OSBPL8: variants seen among roughly 807,000 people sequenced by gnomAD.
OSBPL8 encodes the protein oxysterol binding protein like 8.
OSBPL8 carries 59 observed loss-of-function variants against 125.5 expected under a neutral mutation model. The ratio of observed to expected loss-of-function variants is 0.47; its 90% CI spans 0.38 to 0.58. The LOEUF (loss-of-function observed/expected upper bound fraction) is 0.58, where lower values mean the gene tolerates loss of function less well. OSBPL8 is among the 20% of genes least tolerant of loss of function. The probability of loss-of-function intolerance (pLI) is 0.00; values close to 1 mark genes in which losing one functional copy is unlikely to be tolerated. For synonymous variants in OSBPL8, 330 were observed against 338.9 expected, an observed-to-expected ratio of 0.97 and a Z score of 0.29; for missense variants, 758 against 1,047.8, an observed-to-expected ratio of 0.72 and a Z score of 3.82.
intron 13 of OSBPL8, 136 bp from the exon 14 acceptor site, chr12:76,386,402 T>A: frequency 7.5e-7 from 1 of 1,334,350 alleles, no homozygotes; most frequent in Non-Finnish European, 9.9e-7. Flanking sequence ...AAATTTACAT[T>A]AAATAAAATT....
chr12:76,520,727 G>A (rs1881993384), intron 1 of OSBPL8, among the ~76,000 whole-genome samples: 1 of 152,070 alleles, frequency 6.6e-6, no homozygotes. Flanking sequence ...TGAGATGATG[G>A]GGAAAGAAAG....
chr12:76,555,584 A>AG (rs1413824071), intron 1 of OSBPL8, among the ~76,000 whole-genome samples: 1 of 152,214 alleles, frequency 6.6e-6, no homozygotes, highest in Non-Finnish European at 1.5e-5. Flanking sequence ...TGACACATTG[A>AG]GGTAGGCACA....
intron 9 of OSBPL8, among the ~76,000 whole-genome samples, chr12:76,392,953 A>G (rs1953626330): frequency 1.3e-5 from 2 of 152,232 alleles, no homozygotes; most frequent in Non-Finnish European, 2.9e-5. Flanking sequence ...CTGATAAATG[A>G]ATAGTATACA....
At chr12:76,449,664 T>C (rs755972824) in intron 4 of OSBPL8, among the ~76,000 whole-genome samples, 4 of 152,340 alleles carry the variant, frequency 2.6e-5, no homozygotes, top group South Asian at 2.1e-4. Flanking sequence ...GATTTTAATA[T>C]TCTGTGCAAC....
At chr12:76,540,684 A>T (rs1367571249) in intron 1 of OSBPL8, among the ~76,000 whole-genome samples, 1 of 140,422 alleles carries the variant, frequency 7.1e-6, no homozygotes, top group Non-Finnish European at 1.5e-5. Flanking sequence ...TTTTTTCTTT[A>T]AAAAAAAAAA....
At chr12:76,475,294 C>G (rs771142472) in intron 2 of OSBPL8, among the ~76,000 whole-genome samples, 22 of 152,026 alleles carry the variant, frequency 1.4e-4, no homozygotes, top group Non-Finnish European at 2.6e-4. Flanking sequence ...TTTAAAAAAC[C>G]TTCATATGTT....
chr12:76,470,533 T>C (rs531709974), intron 2 of OSBPL8, among the ~76,000 whole-genome samples: 7 of 152,342 alleles, frequency 4.6e-5, no homozygotes, highest in Admixed American at 4.6e-4. Context: ...TGAAATTTCA[T>C]TTTGGCCAAT....
chr12:76,510,062 T>G (rs1880820537), intron 1 of OSBPL8, among the ~76,000 whole-genome samples: 1 of 152,224 alleles, frequency 6.6e-6, no homozygotes, highest in Admixed American at 6.5e-5. Context: ...GGTGTCTATT[T>G]CAAATTCATC....
chr12:76,382,158 C>T (rs1464107141), intron 15 of OSBPL8, among the ~76,000 whole-genome samples: 4 of 152,162 alleles, frequency 2.6e-5, no homozygotes, highest in South Asian at 2.1e-4. Flanking sequence ...AAGACTGATA[C>T]AATCATATTA....
intron 5 of OSBPL8, among the ~76,000 whole-genome samples, chr12:76,407,364 C>A (rs921999364): frequency 5.0e-4 from 76 of 152,312 alleles, no homozygotes; most frequent in African/African-American, 1.6e-3. Context: ...GCATCTCCTG[C>A]CTTAGCCCCC....
chr12:76,555,269 G>C (rs999600427), intron 1 of OSBPL8, among the ~76,000 whole-genome samples: 3 of 151,988 alleles, frequency 2.0e-5, no homozygotes, highest in African/African-American at 7.3e-5. Context: ...AAGCTTAAAG[G>C]CTCAGATTTT....
Position 76,450,906 on chromosome 12 carries a change from C to T in OSBPL8, c.162G>A (p.Thr54=), listed in dbSNP as rs146266094. The T allele has an allele frequency of 1.2e-5, 20 of 1,613,818 alleles. No individual in the cohort carries two copies. Among genetic ancestry groups the T allele is most frequent in the Admixed American group, 5.0e-5 (3 of 59,972 alleles). Reference sequence around the variant, plus strand: ...ATGGCTGATGCAAATCTTTGGTTGGCGTTGGATAAGCTTCTTTTCCTTGGC... The same window carrying T: ...ATGGCTGATGCAAATCTTTGGTTGGTGTTGGATAAGCTTCTTTTCCTTGGC... ...SQRQGKEAYP[T]PTKDLHQPSL... Residue 54 remains threonine, a synonymous_variant, in exon 4 of 24, where the codon ACG becomes ACA. Transcript: ENST00000261183.
chr12:76,402,560 C>A, intron 6 of OSBPL8, 129 bp downstream of exon 6: 1 of 682,226 alleles, frequency 1.5e-6, no homozygotes, highest in Non-Finnish European at 2.5e-6. Context: ...TGTGTGCCTG[C>A]CTGTCTGTAC....
intron 11 of OSBPL8, 170 bp from the exon 12 acceptor site, chr12:76,389,999 A>T (rs985772034): frequency 5.4e-5 from 26 of 482,200 alleles, no homozygotes; most frequent in Admixed American, 1.6e-4. Context: ...CTTAGGTAAA[A>T]AAGGGTAGCT....
At chr12:76,539,267 T>C (rs1950578740) in intron 1 of OSBPL8, among the ~76,000 whole-genome samples, 1 of 152,172 alleles carries the variant, frequency 6.6e-6, no homozygotes, top group Non-Finnish European at 1.5e-5. Flanking sequence ...TCTATGCGTA[T>C]TTATGTCTCT....
intron 5 of OSBPL8, among the ~76,000 whole-genome samples, chr12:76,407,715 C>T (rs1243506308): frequency 3.3e-5 from 5 of 152,050 alleles, no homozygotes; most frequent in African/African-American, 1.2e-4. Flanking sequence ...TTAAGAATCC[C>T]ATTCATTCAC....
At position 76,396,968 on chromosome 12, in the gene OSBPL8, C is replaced by T. The variant is rs143160949; in HGVS notation, c.672+726G>A. ...TAGCTGGGACTACAGGTACATGCCA[C>T]CATACTTGGCTAATTTTTGTATTTT... On this transcript the variant is annotated intron_variant, in intron 8 of 23. Transcript: ENST00000261183. 3.6e-3 allele frequency among the ~76,000 whole-genome samples: 540 copies of T among 151,862 alleles called. 3 individuals are homozygous for T. The highest frequency in any genetic ancestry group is 0.012 in the African/African-American group (511 of 41,442).
intron 1 of OSBPL8, among the ~76,000 whole-genome samples, chr12:76,518,845 G>A (rs1565964139): frequency 6.6e-6 from 1 of 152,220 alleles, no homozygotes; most frequent in Non-Finnish European, 1.5e-5. Flanking sequence ...CAGGACAGTG[G>A]CACCCTGGGA....
chr12:76,382,050 T>G (rs1373091784), intron 15 of OSBPL8, among the ~76,000 whole-genome samples: 2 of 151,954 alleles, frequency 1.3e-5, no homozygotes, highest in Non-Finnish European at 2.9e-5. Flanking sequence ...TCCATTTACT[T>G]TCAGCCTATT....
Sources: allele counts gnomAD v4.1 joint callset (sites outside exome capture counted in the v4.1 genomes callset), GRCh38; gene constraint gnomAD v4.1.1; transcripts MANE v1.5; gene names NCBI Gene and HGNC (gene_info 2026-07-23, HGNC 2026-07-21).